The following DENND10 variants were observed in gnomAD, a reference collection of about 807,000 sequenced individuals.
The protein encoded by DENND10 is DENN domain-containing protein 10.
In DENND10, 24 loss-of-function variants were observed where a neutral mutation model predicts 43.6. The observed-to-expected ratio is 0.55, with a 90% CI of 0.40 to 0.77. The LOEUF (loss-of-function observed/expected upper bound fraction) is 0.77, where lower values mean the gene tolerates loss of function less well. Among genes scored for constraint, DENND10 ranks in the 30% least tolerant of loss-of-function variants. The pLI, the probability that DENND10 is intolerant of heterozygous loss-of-function variation, is 0.00. For missense variants in DENND10, 303 were observed against 429.9 expected (o/e 0.70, Z 2.61); for synonymous variants, 125 against 157.6 (o/e 0.79, Z 1.55).
intron 3 of DENND10, 117 bp from the exon 4 acceptor site, chr10:119,117,402 G>C: frequency 9.7e-7 from 1 of 1,028,364 alleles, no homozygotes; most frequent in Non-Finnish European, 1.4e-6. Context: ...GCATTCAGAA[G>C]GGCAGTAGCA....
chr10:119,119,256 G>A (rs1159716641), intron 4 of DENND10, among the ~76,000 whole-genome samples: 6 of 152,032 alleles, frequency 3.9e-5, no homozygotes, highest in East Asian at 1.9e-4. Flanking sequence ...CGTCTGCCTC[G>A]GCCTCCCAAA....
chr10:119,109,603 A>T (rs1015380349), intron 2 of DENND10, among the ~76,000 whole-genome samples: 2 of 152,008 alleles, frequency 1.3e-5, no homozygotes, highest in African/African-American at 4.8e-5. Flanking sequence ...GTTACAAAAT[A>T]TAAATTTGCA....
Position 119,111,837 on chromosome 10 carries a change from T to C in DENND10, c.253-12T>C, listed in dbSNP as rs1419121363. 1.2e-6 allele frequency: 2 copies of C among 1,601,718 alleles called. No individual in the cohort carries two copies. The highest frequency in any genetic ancestry group is 2.2e-5 in the East Asian group (1 of 44,750). On this transcript the variant is annotated splice_polypyrimidine_tract_variant and intron_variant, in intron 2 of 8. Transcript: ENST00000361432. ...TTAAAAAGTGTATTTTTTTGTTGTT[T>C]CTTTTGAACAGGTGACTCATTTTTC...
At position 119,136,764 on chromosome 10, in the gene DENND10, T is replaced by C. The variant is rs2133549678; in HGVS notation, c.*117T>C. 1.8e-6 allele frequency: 1 copy of C among 569,902 alleles called. No individual in the cohort carries two copies. The highest frequency in any genetic ancestry group is 4.9e-4 in the Middle Eastern group (1 of 2,046). 35.3% of individuals were successfully genotyped at this position (569,902 alleles called of 1,614,324 possible). On this transcript the variant is annotated 3_prime_UTR_variant, in exon 9 of 9. Coordinates refer to ENST00000361432, the MANE Select transcript of DENND10 (RefSeq NM_207009.4). ...GAAACTGTTATATCTTTTTAATGAT[T>C]TATTTGCAAGTATTGAGATTTGACC...
At chr10:119,135,540 A>C (rs2133544525) in intron 8 of DENND10, among the ~76,000 whole-genome samples, 2 of 152,298 alleles carry the variant, frequency 1.3e-5, no homozygotes, top group African/African-American at 4.8e-5. Context: ...CTAATGAAAT[A>C]AGCCAGACAC....
At chr10:119,122,356 T>C (rs920856121) in intron 5 of DENND10, among the ~76,000 whole-genome samples, 8 of 152,314 alleles carry the variant, frequency 5.3e-5, no homozygotes, top group African/African-American at 1.7e-4. Flanking sequence ...TGTTCCTTTA[T>C]CTGTAAAATG....
Position 119,136,770 on chromosome 10 carries a change from G to A in DENND10, c.*123G>A. The A allele has an allele frequency of 1.8e-6, 1 of 555,060 alleles. No homozygotes were observed. The highest frequency in any genetic ancestry group is 2.6e-5 in the South Asian group (1 of 38,138). 34.4% of individuals were successfully genotyped at this position (555,060 alleles called of 1,614,324 possible). On this transcript the variant is annotated 3_prime_UTR_variant, in exon 9 of 9. Transcript: ENST00000361432. ...GTTATATCTTTTTAATGATTTATTT[G>A]CAAGTATTGAGATTTGACCTGAAAA...
At position 119,128,065 on chromosome 10, in the gene DENND10, CA is replaced by C. The variant is rs1410077317; in HGVS notation, c.695-1449del. 2.0e-5 allele frequency among the ~76,000 whole-genome samples: 3 copies of C among 152,150 alleles called. No homozygotes were observed. The South Asian group carries it at 6.2e-4, about 31-fold the overall frequency. On this transcript the variant is annotated intron_variant, in intron 6 of 8. Coordinates refer to ENST00000361432, the MANE Select transcript of DENND10 (RefSeq NM_207009.4). ...GGATGGCTCATGCCTGTAATCCCAG[CA>C]CTTTGGGAGGCTAAGGTGGGTGGAT... is the stretch of plus-strand genomic sequence containing the variant.
At chr10:119,126,165 C>T (rs539508627) in intron 6 of DENND10, among the ~76,000 whole-genome samples, 1 of 152,118 alleles carries the variant, frequency 6.6e-6, no homozygotes, top group Non-Finnish European at 1.5e-5. Flanking sequence ...TAATATTCCA[C>T]TGTGTATATG....
intron 7 of DENND10, among the ~76,000 whole-genome samples, chr10:119,131,447 G>A (rs1846085296): frequency 6.6e-6 from 1 of 152,138 alleles, no homozygotes; most frequent in Non-Finnish European, 1.5e-5. Context: ...GACAAAGCAA[G>A]ACTCTGTCTC....
At chr10:119,120,319 T>C in intron 4 of DENND10, 22 bp from the exon 5 acceptor site, 1 of 1,437,260 alleles carries the variant, frequency 7.0e-7, no homozygotes, top group African/African-American at 1.4e-5. Context: ...TGCAGTAACA[T>C]TACAATTTCT....
At chr10:119,123,402 A>C in intron 5 of DENND10, 67 bp from the exon 6 acceptor site, 1 of 1,151,540 alleles carries the variant, frequency 8.7e-7, no homozygotes, top group Non-Finnish European at 1.3e-6. Context: ...GGAAGAGGAG[A>C]AGGGGGCAGG....
chr10:119,135,027 G>C (rs1846252137), intron 8 of DENND10: 1 of 151,922 alleles, frequency 6.6e-6, no homozygotes, highest in African/African-American at 2.4e-5. Flanking sequence ...AGCCGGGTGT[G>C]GTGGTGGGCG....
At chr10:119,105,658 C>G (rs1844659278) in intron 1 of DENND10, 1 of 346,564 alleles carries the variant, frequency 2.9e-6, no homozygotes, top group Admixed American at 6.3e-5. Flanking sequence ...ATTTTGAACT[C>G]AGCAGTTTTT....
intron 2 of DENND10, among the ~76,000 whole-genome samples, chr10:119,108,546 C>T (rs925102131): frequency 6.6e-6 from 1 of 151,030 alleles, no homozygotes; most frequent in East Asian, 1.9e-4. Context: ...CTCTGTTTCA[C>T]ACTTCACTCT....
At chr10:119,107,925 G>A in intron 1 of DENND10, 43 bp from the exon 2 acceptor site, 1 of 1,564,620 alleles carries the variant, frequency 6.4e-7, no homozygotes, top group Non-Finnish European at 8.8e-7. Flanking sequence ...TCACTTCCTT[G>A]CTGCTGTTTG....
intron 7 of DENND10, among the ~76,000 whole-genome samples, chr10:119,130,553 C>A (rs1205542263): frequency 6.6e-6 from 1 of 152,216 alleles, no homozygotes; most frequent in Non-Finnish European, 1.5e-5. Flanking sequence ...TGGCCTCAGC[C>A]TCTCAAAGTG....
chr10:119,112,619 A>G lies in DENND10; in HGVS notation c.332+691A>G, dbSNP rs7072081. On this transcript the variant is annotated intron_variant, in intron 3 of 8. Transcript: ENST00000361432. ...GGTGATCCTCCCACCTCAGCCTCCCATGTAGCAAGGACTGCAGGTGCGCAC... is the reference window on the plus strand; with the variant it reads ...GGTGATCCTCCCACCTCAGCCTCCCGTGTAGCAAGGACTGCAGGTGCGCAC... Among the ~76,000 whole-genome samples, 927 of 148,854 alleles carry G rather than the reference A, an allele frequency of 6.2e-3. 10 individuals carry two copies. Among genetic ancestry groups the G allele is most frequent in the African/African-American group, 0.02 (803 of 40,422 alleles).
In DENND10 at chr10:119,132,454, A is replaced by G; in HGVS notation, c.803-61A>G. On this transcript the variant is annotated intron_variant, in intron 7 of 8. Coordinates refer to ENST00000361432, the MANE Select transcript of DENND10 (RefSeq NM_207009.4). This position sits in a 1 kb window ranked among gnomAD's most constrained non-coding sequence, Gnocchi z 4.2. Reference sequence around the variant, plus strand: ...TCAGTGTGGTCTTCCAAGTTTTCAGATAGATGGCATGATTATTTTTTATGT... The same window carrying G: ...TCAGTGTGGTCTTCCAAGTTTTCAGGTAGATGGCATGATTATTTTTTATGT... 2 of 1,419,590 alleles carry G rather than the reference A, an allele frequency of 1.4e-6. No homozygotes were observed. Among genetic ancestry groups the G allele is most frequent in the South Asian group, 2.3e-5 (2 of 86,950 alleles). 87.9% of individuals were successfully genotyped at this position (1,419,590 alleles called of 1,614,324 possible).
Sources: gnomAD v4.1 joint callset for allele counts (sites outside exome capture counted in the v4.1 genomes callset) on GRCh38, gnomAD v4.1.1 for gene constraint, Gnocchi (gnomAD v3.1) non-coding constraint, MANE v1.5 for transcripts, NCBI Gene and HGNC (gene_info 2026-07-23, HGNC 2026-07-21) for gene names.